TENM2: variants seen among roughly 807,000 people sequenced by gnomAD.
TENM2 encodes the protein teneurin transmembrane protein 2.
A neutral mutation model predicts 245.2 loss-of-function variants in TENM2; 52 were observed. The observed-to-expected ratio is 0.21, with a 90% confidence interval of 0.17 to 0.27. The LOEUF is 0.27. Among genes scored for constraint, TENM2 ranks in the 10% least tolerant of loss-of-function variants. TENM2 has a pLI of 1.00. For synonymous variants in TENM2, 1,363 were observed against 1,438.9 expected (o/e 0.95, Z 1.19); for missense variants, 3,046 against 3,666.8 (o/e 0.83, Z 4.37).
chr5:168,047,371 A>T lies in TENM2; in HGVS notation c.1187-56A>T, dbSNP rs935455638. On this transcript the variant is annotated intron_variant, in intron 5 of 28. Transcript: ENST00000518659. ...AAAGGGCACCTGGCCCTCCCCCTTGACATTTGCATTGCTGAATTATCTATT... is the reference window on the plus strand; with the variant it reads ...AAAGGGCACCTGGCCCTCCCCCTTGTCATTTGCATTGCTGAATTATCTATT... The T allele has an allele frequency of 4.5e-6, 7 of 1,548,726 alleles. No individual in the cohort carries two copies. In the Admixed American group the frequency reaches 1.4e-4, roughly 30 times the overall value.
At chr5:167,530,318 G>A (rs1771405449) in intron 2 of TENM2, among the ~76,000 whole-genome samples, 1 of 152,338 alleles carries the variant, frequency 6.6e-6, no homozygotes, top group South Asian at 2.1e-4. Context: ...AATAAAGCTA[G>A]GGTGGGCCAC....
At chr5:167,184,934 C>A in the TENM2 span, among the ~76,000 whole-genome samples, 1 of 152,148 alleles carries the variant, frequency 6.6e-6, no homozygotes, top group South Asian at 2.1e-4. Context: ...GAGCACACAA[C>A]CTCGATCCCT....
At chr5:167,251,291 A>G in the TENM2 span, among the ~76,000 whole-genome samples, 1 of 152,116 alleles carries the variant, frequency 6.6e-6, no homozygotes, top group South Asian at 2.1e-4. Flanking sequence ...AAATAACTAA[A>G]TTCAAGTGGA....
Position 167,372,088 on chromosome 5 carries a change from T to A in TENM2, c.227-3110T>A, listed in dbSNP as rs530477873. On this transcript the variant is annotated intron_variant, in intron 1 of 28. Transcript: ENST00000518659. ...GAAAGTGAAGATGAAAAGGTAATTT[T>A]AAAAAAAAATCAATATTGATTTTAG... is the stretch of plus-strand genomic sequence containing the variant. 1.6e-3 allele frequency among the ~76,000 whole-genome samples: 248 copies of A among 151,572 alleles called. 5 individuals are homozygous for A. In the South Asian group the frequency reaches 0.025, roughly 15 times the overall value.
At chr5:167,465,075 T>C (rs1766560377) in intron 2 of TENM2, among the ~76,000 whole-genome samples, 1 of 152,236 alleles carries the variant, frequency 6.6e-6, no homozygotes, top group Admixed American at 6.5e-5. Context: ...AGTTTGGATA[T>C]TCACACATTA....
upstream of TENM2, among the ~76,000 whole-genome samples, chr5:167,281,964 C>T (rs935702093): frequency 1.0e-4 from 14 of 139,898 alleles, no homozygotes; most frequent in Non-Finnish European, 6.0e-5. Context: ...CACGCCTCTG[C>T]ACTCCAACCT....
intron 5 of TENM2, among the ~76,000 whole-genome samples, chr5:168,010,168 C>T (rs1318216144): frequency 1.3e-5 from 2 of 152,152 alleles, no homozygotes; most frequent in Non-Finnish European, 2.9e-5. Context: ...TTTTCAATGG[C>T]ATTTAAATGT....
At chr5:167,519,795 T>A (rs1398710268) in intron 2 of TENM2, among the ~76,000 whole-genome samples, 4 of 152,148 alleles carry the variant, frequency 2.6e-5, no homozygotes, top group Non-Finnish European at 4.4e-5. Flanking sequence ...ATTGTGATTG[T>A]TTTTTAAACA....
At chr5:167,820,026 C>T (rs1767387914) in intron 2 of TENM2, among the ~76,000 whole-genome samples, 2 of 152,144 alleles carry the variant, frequency 1.3e-5, no homozygotes. Context: ...TGTCAATTTC[C>T]TAAACCCAGG....
chr5:167,818,807 C>T (rs1226139024), intron 2 of TENM2, among the ~76,000 whole-genome samples: 1 of 152,138 alleles, frequency 6.6e-6, no homozygotes, highest in Non-Finnish European at 1.5e-5. Flanking sequence ...AAACCCTATT[C>T]AAAAAATTAC....
In TENM2 at chr5:168,195,443, A is replaced by G. The variant is rs1424019270; in HGVS notation, c.2900+148A>G. ...TCCCCTAGTGAGGATTCCCCCAAAG[A>G]CATTTCATGCTTTTTGATGTGACAT... On this transcript the variant is annotated intron_variant, in intron 15 of 28. Transcript: ENST00000518659. 3 of 949,610 alleles carry G rather than the reference A, an allele frequency of 3.2e-6. No individual in the cohort carries two copies. The Admixed American group carries it at 8.6e-5, about 27-fold the overall frequency. The allele number at this position is 949,610 out of a possible 1,614,324, so 58.8% of individuals were successfully genotyped here. A position where few individuals can be genotyped will look rare whatever the true frequency, so the allele number is the denominator to read the frequency against.
At chr5:167,095,875 A>G in the TENM2 span, among the ~76,000 whole-genome samples, 1 of 149,512 alleles carries the variant, frequency 6.7e-6, no homozygotes, top group Admixed American at 6.7e-5. Context: ...GGTTCAAGTG[A>G]TTCTCCTGCC....
At chr5:167,420,660 A>AC (rs1054053299) in intron 2 of TENM2, among the ~76,000 whole-genome samples, 13 of 152,078 alleles carry the variant, frequency 8.5e-5, no homozygotes, top group African/African-American at 2.9e-4. Flanking sequence ...AATAAGGCCC[A>AC]CCCTGACCAT....
chr5:167,290,828 A>T (rs910598653), intron 1 of TENM2, among the ~76,000 whole-genome samples: 1 of 152,130 alleles, frequency 6.6e-6, no homozygotes, highest in Non-Finnish European at 1.5e-5. Flanking sequence ...GGATACAAAC[A>T]CTTTTTTTAA....
chr5:166,981,111 A>T, the TENM2 span, among the ~76,000 whole-genome samples: 1 of 152,204 alleles, frequency 6.6e-6, no homozygotes, highest in African/African-American at 2.4e-5. Flanking sequence ...ACCTACTCTA[A>T]GGCACCATGC....
chr5:168,004,496 GATGCACGC>G (rs1784647977), intron 5 of TENM2, among the ~76,000 whole-genome samples: 2 of 129,250 alleles, frequency 1.5e-5, no homozygotes, highest in African/African-American at 6.3e-5. Flanking sequence ...CCCCATTTGG[GATGCACGC>G]ATGCGCGCGC....
At chr5:167,398,873 G>A (rs11948099) in intron 2 of TENM2, among the ~76,000 whole-genome samples, 101 of 152,252 alleles carry the variant, frequency 6.6e-4, no homozygotes, top group African/African-American at 2.4e-3. Flanking sequence ...TGGTGTTACT[G>A]TTTTTAAAAT....
the TENM2 span, among the ~76,000 whole-genome samples, chr5:167,002,399 G>A: frequency 6.6e-6 from 1 of 152,164 alleles, no homozygotes; most frequent in Non-Finnish European, 1.5e-5. Context: ...CTGGGTCACA[G>A]AGGAGACCCT....
intron 27 of TENM2, among the ~76,000 whole-genome samples, chr5:168,252,088 A>G (rs1767165892): frequency 6.6e-6 from 1 of 152,190 alleles, no homozygotes; most frequent in Admixed American, 6.5e-5. Flanking sequence ...AGTGTAAAAG[A>G]AAGACTGGGC....
Sources: gnomAD v4.1 joint callset for allele counts (sites outside exome capture counted in the v4.1 genomes callset) on GRCh38, gnomAD v4.1.1 for gene constraint, MANE v1.5 for transcripts, NCBI Gene and HGNC (gene_info 2026-07-23, HGNC 2026-07-21) for gene names.